Variants in SRBD1 observed in about 807,000 individuals in gnomAD.
The protein encoded by SRBD1 is S1 RNA binding domain 1.
A neutral mutation model predicts 115.3 loss-of-function variants in SRBD1; 88 were observed. That is an observed-to-expected ratio of 0.76 (90% confidence interval 0.64 to 0.91). SRBD1 has a LOEUF of 0.91. Among genes scored for constraint, SRBD1 ranks in the 40% least tolerant of loss-of-function variants. The pLI is 0.00. For missense variants in SRBD1, 1,385 were observed against 1,177.4 expected (o/e 1.18, Z -2.58); for synonymous variants, 509 against 407.7 (o/e 1.25, Z -2.99).
intron 12 of SRBD1, 25 bp from the exon 13 acceptor site, chr2:45,547,637 C>T: frequency 6.4e-7 from 1 of 1,574,684 alleles, no homozygotes; most frequent in South Asian, 1.2e-5. Flanking sequence ...AAGAATAAGC[C>T]ATTTTATAAG....
intron 20 of SRBD1, 136 bp from the exon 21 acceptor site, chr2:45,389,735 G>A (rs1666946253): frequency 3.6e-6 from 3 of 824,226 alleles, no homozygotes; most frequent in Admixed American, 2.9e-5. Context: ...AAAAGGAGCT[G>A]CAGACCAACG....
intron 10 of SRBD1, among the ~76,000 whole-genome samples, chr2:45,554,652 T>C (rs1672415618): frequency 6.6e-6 from 1 of 151,990 alleles, no homozygotes; most frequent in South Asian, 2.1e-4. Flanking sequence ...AAAGGACAAA[T>C]GTAGCCTCAC....
At chr2:45,468,128 T>C (rs1331313897) in intron 16 of SRBD1, among the ~76,000 whole-genome samples, 1 of 152,110 alleles carries the variant, frequency 6.6e-6, no homozygotes, top group Non-Finnish European at 1.5e-5. Flanking sequence ...TTACTATATA[T>C]AGGTATTCAT....
chr2:45,512,979 C>T (rs959019035), intron 14 of SRBD1, among the ~76,000 whole-genome samples: 14 of 152,056 alleles, frequency 9.2e-5, no homozygotes, highest in African/African-American at 3.1e-4. Flanking sequence ...ACACAATAAA[C>T]ACACAAATTA....
intron 19 of SRBD1, among the ~76,000 whole-genome samples, chr2:45,409,932 C>A (rs889072147): frequency 4.6e-5 from 7 of 152,060 alleles, no homozygotes; most frequent in Non-Finnish European, 8.8e-5. Flanking sequence ...AGCAATATGA[C>A]ATTTTTTTTG....
At chr2:45,517,267 G>C (rs1206857490) in intron 14 of SRBD1, among the ~76,000 whole-genome samples, 4 of 151,970 alleles carry the variant, frequency 2.6e-5, no homozygotes, top group African/African-American at 9.7e-5. Context: ...GCTCTGCTTT[G>C]GCATTTTCTG....
intron 18 of SRBD1, among the ~76,000 whole-genome samples, chr2:45,414,848 AGT>A (rs1164079926): frequency 6.9e-6 from 1 of 145,138 alleles, no homozygotes; most frequent in Non-Finnish European, 1.5e-5. Context: ...ACACACATAT[AGT>A]GTGTATATAG....
Position 45,605,364 on chromosome 2 carries a change from C to G in SRBD1, c.78G>C (p.Glu26Asp). 1.2e-6 allele frequency: 2 copies of G among 1,613,100 alleles called. No individual in the cohort carries two copies. Among genetic ancestry groups the G allele is most frequent in the Non-Finnish European group, 1.7e-6 (2 of 1,179,742 alleles). Residue 26 changes from glutamate (E) to aspartate (D), a missense_variant and splice_region_variant, in exon 2 of 21, where the codon GAG (glutamate) becomes GAC (aspartate). Coordinates refer to ENST00000263736, the MANE Select transcript of SRBD1 (RefSeq NM_018079.5). ...ACATATTAAACCAGTATGCTTACAA[C>G]TCAGAGAATGAAGAAAATTCATCTT... Reference protein sequence around the residue: ...VLKDEFSSFSELSSASEEDDK... With the variant: ...VLKDEFSSFSDLSSASEEDDK...
intron 7 of SRBD1, 106 bp downstream of exon 7, chr2:45,579,765 AATAT>A: frequency 2.4e-6 from 3 of 1,246,808 alleles, no homozygotes; most frequent in Non-Finnish European, 3.2e-6. Flanking sequence ...CATACGCTGT[AATAT>A]TCTTTTGTAT....
chr2:45,444,045 G>C (rs944765161), intron 16 of SRBD1, among the ~76,000 whole-genome samples: 2 of 152,112 alleles, frequency 1.3e-5, no homozygotes, highest in African/African-American at 4.8e-5. Context: ...TCTACAGGAA[G>C]TTTTAAAGTT....
At chr2:45,429,726 A>G (rs930985291) in intron 16 of SRBD1, among the ~76,000 whole-genome samples, 9 of 152,200 alleles carry the variant, frequency 5.9e-5, no homozygotes, top group Admixed American at 2.0e-4. Context: ...TTTGAAAACC[A>G]GCACAAGACA....
chr2:45,569,239 G>A (rs2104130989), intron 9 of SRBD1: 1 of 152,256 alleles, frequency 6.6e-6, no homozygotes, highest in Admixed American at 6.5e-5. Flanking sequence ...GAATGCAGTG[G>A]CTATTCACAG....
chr2:45,508,785 A>G (rs939014030), intron 14 of SRBD1, among the ~76,000 whole-genome samples: 1 of 152,220 alleles, frequency 6.6e-6, no homozygotes, highest in African/African-American at 2.4e-5. Context: ...AATTTTACCC[A>G]GTGAATTGCT....
At chr2:45,450,940 C>T (rs1269291497) in intron 16 of SRBD1, among the ~76,000 whole-genome samples, 2 of 152,126 alleles carry the variant, frequency 1.3e-5, no homozygotes, top group African/African-American at 4.8e-5. Flanking sequence ...AAATAACCAG[C>T]TGCAGGTTTG....
At chr2:45,438,567 C>T (rs892276384) in intron 16 of SRBD1, among the ~76,000 whole-genome samples, 3 of 152,128 alleles carry the variant, frequency 2.0e-5, no homozygotes, top group African/African-American at 4.8e-5. Context: ...TAAAGAAATA[C>T]AGCATCTGAA....
intron 4 of SRBD1, among the ~76,000 whole-genome samples, chr2:45,598,971 T>G (rs1673996287): frequency 6.6e-6 from 1 of 152,198 alleles, no homozygotes; most frequent in Non-Finnish European, 1.5e-5. Context: ...GTAAGACATA[T>G]AATTCTGGCA....
In SRBD1 at chr2:45,419,861, G is replaced by C. The variant is rs749338978; in HGVS notation, c.2083C>G (p.Leu695Val). The part of the protein sequence containing the change: ...DVSQTLLKAT[L>V]DSVVEECVSF... ...ACACATTCTTCTACAACACTGTCCA[G>C]TGTTGCCTTGAGTAAAGTCTGGGAT... Residue 695 changes from leucine to valine, a missense_variant, in exon 17 of 21, where the codon CTG (leucine) becomes GTG (valine). By Grantham distance (32) the Leu-to-Val change is conservative. Coordinates refer to ENST00000263736, the MANE Select transcript of SRBD1 (RefSeq NM_018079.5). The C allele has an allele frequency of 1.2e-6, 2 of 1,613,646 alleles. No homozygotes were observed. Among genetic ancestry groups the C allele is most frequent in the East Asian group, 2.2e-5 (1 of 44,854 alleles).
rs1256218929 is a variant in SRBD1 at position 45,413,090 on chromosome 2, T to C, written c.2513+24A>G. The C allele has an allele frequency of 8.1e-6, 13 of 1,599,454 alleles. No homozygotes were observed. The East Asian group carries it at 2.9e-4, about 36-fold the overall frequency. On this transcript the variant is annotated intron_variant, in intron 19 of 20. Coordinates refer to ENST00000263736, the MANE Select transcript of SRBD1 (RefSeq NM_018079.5). Reference sequence around the variant, plus strand: ...AAGAACTCACTCTGCATATGGAGAATTCCCACATGGGCCTCAGACTTACCT... The same window carrying C: ...AAGAACTCACTCTGCATATGGAGAACTCCCACATGGGCCTCAGACTTACCT...
chr2:45,600,161 C>T lies in SRBD1; in HGVS notation c.262-326G>A, dbSNP rs116040597. 7.5e-3 allele frequency among the ~76,000 whole-genome samples: 1,139 copies of T among 151,972 alleles called. 16 individuals are homozygous for T. Among genetic ancestry groups the T allele is most frequent in the African/African-American group, 0.026 (1,086 of 41,414 alleles). On this transcript the variant is annotated intron_variant, in intron 3 of 20. Transcript: ENST00000263736. ...TGGTAGATACACAAACCTACATGTG[C>T]GATAAAATTGCACAGAACCAAGTAC...
Sources: gnomAD v4.1 joint callset for allele counts (sites outside exome capture counted in the v4.1 genomes callset) on GRCh38, gnomAD v4.1.1 for gene constraint, MANE v1.5 for transcripts, NCBI Gene and HGNC (gene_info 2026-07-23, HGNC 2026-07-21) for gene names.